USP9X: variants seen among roughly 807,000 people sequenced by gnomAD.
USP9X encodes ubiquitin carboxyl-terminal hydrolase 9X.
USP9X carries 7 observed loss-of-function variants against 190.3 expected under a neutral mutation model. The observed-to-expected ratio is 0.04, with a 90% CI of 0.02 to 0.07. USP9X has a LOEUF of 0.07. Among genes scored for constraint, USP9X ranks in the 10% least tolerant of loss-of-function variants. USP9X has a pLI of 1.00. For missense variants in USP9X, 1,010 were observed against 1,916.9 expected (o/e 0.53, Z 8.83); for synonymous variants, 645 against 659.5 (o/e 0.98, Z 0.34).
chrX:41,156,084 G>A (rs2062576029), intron 14 of USP9X, among the ~76,000 whole-genome samples: 1 of 112,542 alleles, frequency 8.9e-6, no homozygotes, highest in Non-Finnish European at 1.9e-5. Context: ...AAAATGTTCA[G>A]CAGACCTTAA....
At chrX:41,230,459 G>T in intron 43 of USP9X, 42 bp from the exon 44 acceptor site, 1 of 1,121,206 alleles carries the variant, frequency 8.9e-7, no homozygotes, top group Non-Finnish European at 1.2e-6. Flanking sequence ...GTAAACTTGA[G>T]TTTGCCTACG....
At chrX:41,158,121 A>G (rs2062595525) in intron 14 of USP9X, among the ~76,000 whole-genome samples, 1 of 111,197 alleles carries the variant, frequency 9.0e-6, no homozygotes, top group Admixed American at 9.6e-5. Flanking sequence ...ACAGAATCTC[A>G]GGGAAATATT....
intron 21 of USP9X, among the ~76,000 whole-genome samples, chrX:41,183,231 G>T (rs1309644383): frequency 9.4e-6 from 1 of 106,950 alleles, no homozygotes; most frequent in Non-Finnish European, 1.9e-5. Context: ...GAGCCACTGC[G>T]CCCAGACCTA....
chrX:41,094,353 T>G (rs750413263), intron 1 of USP9X, among the ~76,000 whole-genome samples: 1 of 108,990 alleles, frequency 9.2e-6, no homozygotes, highest in African/African-American at 3.3e-5. Flanking sequence ...ATTTTGTATT[T>G]TTAGTAGAGA....
At position 41,236,183 on chromosome X, in the gene USP9X, T is replaced by C. The variant is rs1431371106; in HGVS notation, c.*3659T>C. ...TGTTACCAAGAAAAAAAAAACAGTA[T>C]TGGTTTCATAGTAGGACTCAACCAG... On this transcript the variant is annotated 3_prime_UTR_variant, in exon 45 of 45. Transcript: ENST00000378308. 2.7e-5 allele frequency: 3 copies of C among 111,218 alleles called. No homozygotes were observed. The highest frequency in any genetic ancestry group is 3.8e-5 in the Non-Finnish European group (2 of 52,988). 9.2% of individuals were successfully genotyped at this position (111,218 alleles called of 1,213,427 possible). A position where few individuals can be genotyped will look rare whatever the true frequency, so the allele number is the denominator to read the frequency against.
intron 26 of USP9X, among the ~76,000 whole-genome samples, chrX:41,190,784 C>T (rs777763245): frequency 2.7e-5 from 3 of 111,285 alleles, no homozygotes; most frequent in Non-Finnish European, 5.7e-5. Flanking sequence ...ACCATTTTGC[C>T]CCTCTCTTCC....
At chrX:41,166,574 A>G (rs1238496439) in intron 16 of USP9X, among the ~76,000 whole-genome samples, 1 of 112,154 alleles carries the variant, frequency 8.9e-6, no homozygotes, top group Non-Finnish European at 1.9e-5. Flanking sequence ...ACTAAAATAG[A>G]GGACAGAAGA....
At chrX:41,122,843 TCTC>T (rs1043026962) in intron 1 of USP9X, among the ~76,000 whole-genome samples, 13 of 110,682 alleles carry the variant, frequency 1.2e-4, no homozygotes, top group African/African-American at 3.3e-4. Flanking sequence ...AAGATGATCT[TCTC>T]CTGGAGTTCG....
chrX:41,149,229 A>G (rs1364010980), intron 12 of USP9X, among the ~76,000 whole-genome samples: 1 of 111,985 alleles, frequency 8.9e-6, no homozygotes, highest in Non-Finnish European at 1.9e-5. Context: ...AAATAGTAAT[A>G]AGGGCCTTGA....
intron 43 of USP9X, among the ~76,000 whole-genome samples, 165 bp from the exon 44 acceptor site, chrX:41,230,334 TTG>T (rs1331841857): frequency 9.9e-5 from 3 of 30,263 alleles, no homozygotes; most frequent in South Asian, 1.6e-3. Flanking sequence ...GTTTTTTGTT[TTG>T]TTTTTTTTTT....
intron 1 of USP9X, among the ~76,000 whole-genome samples, chrX:41,120,157 C>T (rs897646784): frequency 8.9e-6 from 1 of 111,740 alleles, no homozygotes; most frequent in African/African-American, 3.3e-5. Flanking sequence ...TTCGCAATTA[C>T]TAATGAGGTT....
At chrX:41,164,692 C>T (rs1392156819) in intron 15 of USP9X, among the ~76,000 whole-genome samples, 1 of 112,002 alleles carries the variant, frequency 8.9e-6, no homozygotes, top group Non-Finnish European at 1.9e-5. Flanking sequence ...GGTGTTACTC[C>T]CATCTGATCA....
chrX:41,188,789 C>A (rs1176429038), intron 25 of USP9X, among the ~76,000 whole-genome samples: 1 of 112,024 alleles, frequency 8.9e-6, no homozygotes, highest in East Asian at 2.8e-4. Flanking sequence ...AATACTTATT[C>A]TGTTTCAGGC....
intron 35 of USP9X, 36 bp from the exon 36 acceptor site, chrX:41,217,184 T>A (rs760519582): frequency 1.7e-6 from 2 of 1,164,178 alleles, no homozygotes; most frequent in South Asian, 4.1e-5. Flanking sequence ...GGTTGGAAAA[T>A]AAAAATGTGT....
intron 39 of USP9X, among the ~76,000 whole-genome samples, chrX:41,223,845 T>C (rs927015344): frequency 4.5e-5 from 5 of 111,729 alleles, no homozygotes; most frequent in African/African-American, 1.6e-4. Flanking sequence ...ACGTGTTTAA[T>C]GGGGGTCTTT....
intron 14 of USP9X, among the ~76,000 whole-genome samples, chrX:41,161,329 CTTTTTTTTTT>C (rs1158519140): frequency 3.4e-3 from 110 of 32,458 alleles, no homozygotes; most frequent in Non-Finnish European, 4.6e-3. Context: ...GAATTCTTGC[CTTTTTTTTTT>C]TTTTTTTTTT....
At chrX:41,203,960 A>C (rs767486516) in intron 31 of USP9X, among the ~76,000 whole-genome samples, 92 of 111,814 alleles carry the variant, frequency 8.2e-4, no homozygotes, top group Middle Eastern at 4.6e-3. Flanking sequence ...GGCCTCCCAA[A>C]GTGCTGGGAT....
intron 25 of USP9X, 79 bp downstream of exon 25, chrX:41,188,196 T>C: frequency 1.0e-6 from 1 of 980,330 alleles, no homozygotes; most frequent in Admixed American, 3.2e-5. Context: ...TTATTAGCTT[T>C]GCTATTTTTA....
intron 31 of USP9X, 53 bp from the exon 32 acceptor site, chrX:41,205,250 C>A: frequency 1.1e-6 from 1 of 945,065 alleles, no homozygotes; most frequent in Non-Finnish European, 1.4e-6. Context: ...TGGCATTTGT[C>A]TCAACGTATT....
Sources: allele counts gnomAD v4.1 joint callset (sites outside exome capture counted in the v4.1 genomes callset), GRCh38; gene constraint gnomAD v4.1.1; transcripts MANE v1.5; gene names NCBI Gene and HGNC (gene_info 2026-07-23, HGNC 2026-07-21).